The following ASIC1 variants were observed in gnomAD, a reference collection of about 807,000 sequenced individuals.
ASIC1 encodes the protein acid-sensing ion channel 1.
ASIC1 carries 21 observed loss-of-function variants against 63.4 expected under a neutral mutation model. That is an observed-to-expected ratio of 0.33 (90% CI 0.23 to 0.48). The LOEUF is 0.48. Among genes scored for constraint, ASIC1 ranks in the 20% least tolerant of loss-of-function variants. The probability of loss-of-function intolerance (pLI) is 0.99; values close to 1 mark genes in which losing one functional copy is unlikely to be tolerated. For synonymous variants in ASIC1, 258 were observed against 278.2 expected, an observed-to-expected ratio of 0.93 and a Z score of 0.72; for missense variants, 478 against 695.5, an observed-to-expected ratio of 0.69 and a Z score of 3.52.
Position 50,057,700 on chromosome 12 carries a change from G to C in ASIC1, c.-233G>C, listed in dbSNP as rs1950457581. The stretch of plus-strand genomic sequence containing the variant: ...GAGCCCGGGCAGACCGAGCCGAGGC[G>C]AGCGAGCCAGCGAGCCAGCGCGCGC... On this transcript the variant is annotated 5_prime_UTR_variant, in exon 1 of 12. Coordinates refer to ENST00000447966, the MANE Select transcript of ASIC1 (RefSeq NM_001095.4). This position sits in a 1 kb window ranked among gnomAD's most constrained non-coding sequence, Gnocchi z 4.7. 6.6e-6 allele frequency: 1 copy of C among 151,420 alleles called. No homozygotes were observed. The highest frequency in any genetic ancestry group is 2.1e-4 in the South Asian group (1 of 4,834). 9.4% of individuals were successfully genotyped at this position (151,420 alleles called of 1,614,324 possible).
rs1950632235 is a variant in ASIC1, at chr12:50,074,345, C to T, written c.559-2868C>T. 2 of 1,424,410 alleles carry T rather than the reference C, an allele frequency of 1.4e-6. No homozygotes were observed. Among genetic ancestry groups the T allele is most frequent in the South Asian group, 3.1e-5 (2 of 65,216 alleles). The allele number at this position is 1,424,410 out of a possible 1,614,324, so 88.2% of individuals were successfully genotyped here. A position where few individuals can be genotyped will look rare whatever the true frequency, so the allele number is the denominator to read the frequency against. On this transcript the variant is annotated intron_variant, in intron 3 of 11. Coordinates refer to ENST00000447966, the MANE Select transcript of ASIC1 (RefSeq NM_001095.4). This position sits in a 1 kb window ranked among gnomAD's most constrained non-coding sequence, Gnocchi z 4.2. ...GTTGGGGCTGGGGCTGGGGCTGGGG[C>T]TGATGACTGTGCTGCCCCCTACCTC...
At chr12:50,073,125 A>G (rs79694957) in intron 3 of ASIC1, among the ~76,000 whole-genome samples, 6,027 of 152,078 alleles carry the variant, frequency 0.04, 418 homozygotes, top group African/African-American at 0.14. Context: ...CTGGGGGGGT[A>G]GGGACTGTGG....
At chr12:50,072,560 A>G (rs1177962312) in intron 3 of ASIC1, among the ~76,000 whole-genome samples, 1 of 152,156 alleles carries the variant, frequency 6.6e-6, no homozygotes, top group African/African-American at 2.4e-5. Flanking sequence ...TACCTGACCC[A>G]GGTCCCCCTG....
In ASIC1 at chr12:50,078,694, C is replaced by T; in HGVS notation, c.994+117C>T. 1 of 1,481,650 alleles carries T rather than the reference C, an allele frequency of 6.7e-7. No individual in the cohort carries two copies. The highest frequency in any genetic ancestry group is 9.3e-7 in the Non-Finnish European group (1 of 1,080,388). 91.8% of individuals were successfully genotyped at this position (1,481,650 alleles called of 1,614,324 possible). ...GTTCCAGCCCACCCCATCCCACACC[C>T]ACCTGGCTCATGTCTCTCTGACCTC... is the stretch of plus-strand genomic sequence containing the variant. On this transcript the variant is annotated intron_variant, in intron 6 of 11. Transcript: ENST00000447966. The surrounding 1 kb of genome is among the most constrained non-coding windows in gnomAD (Gnocchi z 6.0).
Position 50,059,990 on chromosome 12 carries a change from C to T in ASIC1, c.558+36C>T. On this transcript the variant is annotated intron_variant, in intron 3 of 11. Coordinates refer to ENST00000447966, the MANE Select transcript of ASIC1 (RefSeq NM_001095.4). This position sits in a 1 kb window ranked among gnomAD's most constrained non-coding sequence, Gnocchi z 4.6. Reference sequence around the variant, plus strand: ...TCGTGTGGGGTGTGAGTCAGCCTGGCCCACAGAGGAGGAGGAGGAGACAAG... The same window carrying T: ...TCGTGTGGGGTGTGAGTCAGCCTGGTCCACAGAGGAGGAGGAGGAGACAAG... 6.2e-7 allele frequency: 1 copy of T among 1,604,744 alleles called. No homozygotes were observed. The highest frequency in any genetic ancestry group is 8.5e-7 in the Non-Finnish European group (1 of 1,174,082).
At position 50,080,002 on chromosome 12, in the gene ASIC1, A is replaced by G; in HGVS notation, c.1152A>G (p.Lys384=). The change falls in exon 8 of 12, where the codon AAA becomes AAG. Residue 384 remains lysine, a synonymous_variant. Coordinates refer to ENST00000447966, the MANE Select transcript of ASIC1 (RefSeq NM_001095.4). ...KELSMVKIPS[K]ASAKYLAKKF... ...TGTCCATGGTCAAGATCCCCAGCAA[A>G]GCCTCAGCCAAGTACCTGGCCAAGA... 6.2e-7 allele frequency: 1 copy of G among 1,614,102 alleles called. No individual in the cohort carries two copies. The highest frequency in any genetic ancestry group is 1.1e-5 in the South Asian group (1 of 91,082).
Position 50,059,731 on chromosome 12 carries a change from C to G in ASIC1, c.363-28C>G, listed in dbSNP as rs1436273667. ...GCAGGACACTGATGACTGTACTGACCCGTGTGTCACTCACCCCCGGACCCC... is the reference window on the plus strand; with the variant it reads ...GCAGGACACTGATGACTGTACTGACGCGTGTGTCACTCACCCCCGGACCCC... On this transcript the variant is annotated intron_variant, in intron 2 of 11. Transcript: ENST00000447966. The surrounding 1 kb of genome is among the most constrained non-coding windows in gnomAD (Gnocchi z 4.6). The G allele has an allele frequency of 6.2e-7, 1 of 1,604,234 alleles. No individual in the cohort carries two copies. The highest frequency in any genetic ancestry group is 2.3e-5 in the East Asian group (1 of 44,378).
Position 50,058,917 on chromosome 12 carries a change from C to G in ASIC1, c.151C>G (p.Leu51Val), listed in dbSNP as rs1016876910. The G allele has an allele frequency of 6.2e-7, 1 of 1,614,170 alleles. No homozygotes were observed. Among genetic ancestry groups the G allele is most frequent in the Non-Finnish European group, 8.5e-7 (1 of 1,180,014 alleles). The change falls in exon 2 of 12, where the codon CTG (leucine) becomes GTG (valine). Residue 51 changes from leucine to valine, a missense_variant. Physicochemically the swap from Leu to Val is conservative, Grantham distance 32. This residue lies in a region of ASIC1 where 290 missense variants were observed against 414.9 expected (regional missense o/e 0.70). Coordinates refer to ENST00000447966, the MANE Select transcript of ASIC1 (RefSeq NM_001095.4). ...LKRALWALCF[L>V]GSLAVLLCVC... ...GCGGGCACTGTGGGCCCTGTGCTTC[C>G]TGGGCTCCCTGGCTGTGCTGCTGTG...
chr12:50,073,617 C>G, intron 3 of ASIC1: 1 of 1,534,522 alleles, frequency 6.5e-7, no homozygotes, highest in African/African-American at 1.4e-5. Flanking sequence ...CCATGTCATT[C>G]TCCTCTGGAG....
intron 3 of ASIC1, chr12:50,073,672 C>T: frequency 6.5e-7 from 1 of 1,536,420 alleles, no homozygotes. Context: ...TCCCCACCAC[C>T]ATCAGCAGCA....
At position 50,082,898 on chromosome 12, in the gene ASIC1, C is replaced by T. The variant is rs1442099755; in HGVS notation, c.*1249C>T. On this transcript the variant is annotated 3_prime_UTR_variant, in exon 12 of 12. Coordinates refer to ENST00000447966, the MANE Select transcript of ASIC1 (RefSeq NM_001095.4). ...CCAACCCGGGCACCCTCGGCCCTCC[C>T]TGCAGCCTTAACATTCTCTTCCCCT... 6.5e-6 allele frequency: 1 copy of T among 152,956 alleles called. No individual in the cohort carries two copies. The highest frequency in any genetic ancestry group is 1.5e-5 in the Non-Finnish European group (1 of 68,232). 9.5% of individuals were successfully genotyped at this position (152,956 alleles called of 1,614,324 possible).
Position 50,080,879 on chromosome 12 carries a change from A to G in ASIC1, c.1298-223A>G, listed in dbSNP as rs968584277. ...AGAGGGTTGTGGTATTTTGTAAACG[A>G]TTATTTTTCTTGAAAAACACCTGCT... On this transcript the variant is annotated intron_variant, in intron 9 of 11. Transcript: ENST00000447966. 5.8e-6 allele frequency: 5 copies of G among 859,686 alleles called. No individual in the cohort carries two copies. The African/African-American group carries it at 6.9e-5, about 12-fold the overall frequency. The allele number at this position is 859,686 out of a possible 1,614,324, so 53.3% of individuals were successfully genotyped here. A position where few individuals can be genotyped will look rare whatever the true frequency, so the allele number is the denominator to read the frequency against.
chr12:50,074,184 G>A lies in ASIC1; in HGVS notation c.559-3029G>A. On this transcript the variant is annotated intron_variant, in intron 3 of 11. Coordinates refer to ENST00000447966, the MANE Select transcript of ASIC1 (RefSeq NM_001095.4). The surrounding 1 kb of genome is among the most constrained non-coding windows in gnomAD (Gnocchi z 4.2). ...ACAATCGCTCCTGCCACCGGCTGGA[G>A]GACATGCTGCTCTATTGCTCCTACC... 1.3e-6 allele frequency: 2 copies of A among 1,532,716 alleles called. No homozygotes were observed. The highest frequency in any genetic ancestry group is 1.7e-6 in the Non-Finnish European group (2 of 1,145,078). 94.9% of individuals were successfully genotyped at this position (1,532,716 alleles called of 1,614,324 possible). A position where few individuals can be genotyped will look rare whatever the true frequency, so the allele number is the denominator to read the frequency against.
intron 3 of ASIC1, among the ~76,000 whole-genome samples, chr12:50,067,539 A>T (rs1226509742): frequency 6.6e-6 from 1 of 151,878 alleles, no homozygotes; most frequent in Non-Finnish European, 1.5e-5. Context: ...CCTCCTGAGT[A>T]GCTGGATTAC....
intron 3 of ASIC1, among the ~76,000 whole-genome samples, chr12:50,072,121 A>G (rs1215539044): frequency 6.6e-6 from 1 of 152,090 alleles, no homozygotes; most frequent in Non-Finnish European, 1.5e-5. Flanking sequence ...CATCCCCAAC[A>G]CACTCTAGGG....
rs1325502671 is a variant in ASIC1 at position 50,083,543 on chromosome 12, G to A, written c.*1894G>A. The A allele has an allele frequency of 6.5e-6, 1 of 152,818 alleles. No individual in the cohort carries two copies. Among genetic ancestry groups the A allele is most frequent in the Non-Finnish European group, 1.5e-5 (1 of 68,168 alleles). The allele number at this position is 152,818 out of a possible 1,614,324, so 9.5% of individuals were successfully genotyped here. A position where few individuals can be genotyped will look rare whatever the true frequency, so the allele number is the denominator to read the frequency against. ...GGAATGAGGCCAAAAAGTGTGCATT[G>A]GATAGGGGAACAGCAGGCAGGGCTC... On this transcript the variant is annotated 3_prime_UTR_variant, in exon 12 of 12. Coordinates refer to ENST00000447966, the MANE Select transcript of ASIC1 (RefSeq NM_001095.4).
chr12:50,071,930 G>A (rs1187324749), intron 3 of ASIC1, among the ~76,000 whole-genome samples: 6 of 152,176 alleles, frequency 3.9e-5, no homozygotes, highest in Admixed American at 3.9e-4. Context: ...AAAGAGGAGG[G>A]CAGTGGCAGA....
Position 50,073,525 on chromosome 12 carries a change from C to T in ASIC1, c.559-3688C>T, listed in dbSNP as rs1385251031. On this transcript the variant is annotated intron_variant, in intron 3 of 11. Coordinates refer to ENST00000447966, the MANE Select transcript of ASIC1 (RefSeq NM_001095.4). ...TCTGCCTGGAGTCACATCGCCTTCC[C>T]CTCTGGCACCTTCCCCCTTCCTCCT... The T allele has an allele frequency of 4.1e-6, 6 of 1,452,590 alleles. No homozygotes were observed. The African/African-American group carries it at 8.5e-5, about 21-fold the overall frequency. 90.0% of individuals were successfully genotyped at this position (1,452,590 alleles called of 1,614,324 possible). A position where few individuals can be genotyped will look rare whatever the true frequency, so the allele number is the denominator to read the frequency against.
intron 3 of ASIC1, among the ~76,000 whole-genome samples, chr12:50,061,286 C>T (rs627869): frequency 0.94 from 142,308 of 152,034 alleles, 66,871 homozygotes; most frequent in Non-Finnish European, 0.98. Flanking sequence ...TGTGCAAGAC[C>T]TCCCAATATC....
Sources: gnomAD v4.1 joint callset for allele counts (sites outside exome capture counted in the v4.1 genomes callset) on GRCh38, gnomAD v4.1.1 for gene constraint, gnomAD v4.1.1 regional missense constraint, Gnocchi (gnomAD v3.1) non-coding constraint, MANE v1.5 for transcripts, NCBI Gene and HGNC (gene_info 2026-07-23, HGNC 2026-07-21) for gene names.